Variants in CSMD3 observed in about 807,000 individuals in gnomAD.
CSMD3 encodes the protein CUB and sushi domain-containing protein 3.
In CSMD3, 177 loss-of-function variants were observed where a neutral mutation model predicts 435.2. That is an observed-to-expected ratio of 0.41 (90% CI 0.36 to 0.46). The LOEUF is 0.46. Ranked by LOEUF, CSMD3 falls within the 20% of genes least tolerant of loss-of-function variation. The pLI, the probability that CSMD3 is intolerant of heterozygous loss-of-function variation, is 0.34. For missense variants in CSMD3, 4,265 were observed against 4,504.6 expected (o/e 0.95, Z 1.52); for synonymous variants, 1,656 against 1,520.5 (o/e 1.09, Z -2.07).
intron 2 of CSMD3, among the ~76,000 whole-genome samples, chr8:113,282,311 G>A (rs149825902): frequency 1.6e-3 from 245 of 151,906 alleles, no homozygotes; most frequent in African/African-American, 5.7e-3. Context: ...TGATATGATC[G>A]TTTACCTTGA....
At chr8:113,426,780 A>C (rs2130014204) in intron 1 of CSMD3, among the ~76,000 whole-genome samples, 1 of 151,596 alleles carries the variant, frequency 6.6e-6, no homozygotes, top group African/African-American at 2.4e-5. Flanking sequence ...AAAATGGAAA[A>C]CCTGGCTGAT....
intron 61 of CSMD3, 42 bp from the exon 62 acceptor site, chr8:112,255,469 T>C (rs371110378): frequency 3.2e-5 from 49 of 1,553,596 alleles, no homozygotes; most frequent in African/African-American, 6.8e-5. Context: ...AGATTTAGTA[T>C]ACAGCAGAGT....
rs1826222218 is a variant in CSMD3 at position 112,352,494 on chromosome 8, G to A, written c.6177C>T (p.Ser2059=). 2 of 1,613,460 alleles carry A rather than the reference G, an allele frequency of 1.2e-6. No individual in the cohort carries two copies. The highest frequency in any genetic ancestry group is 1.7e-6 in the Non-Finnish European group (2 of 1,179,722). ...ATCTGTCTCCAATTTTAATTCCACT[G>A]CTAGGAGTTTGTGGTTCAGGACAGG... ...LDSCPEPQTP[S]SGIKIGDRYM... The change falls in exon 39 of 71, where the codon AGC becomes AGT. Residue 2059 remains serine (S), a synonymous_variant. Coordinates refer to ENST00000297405, the MANE Select transcript of CSMD3 (RefSeq NM_198123.2).
At chr8:113,040,312 T>C (rs2087552743) in intron 5 of CSMD3, among the ~76,000 whole-genome samples, 1 of 152,326 alleles carries the variant, frequency 6.6e-6, no homozygotes, top group South Asian at 2.1e-4. Flanking sequence ...TGCAGGGTTA[T>C]TGCACAGTCT....
intron 27 of CSMD3, among the ~76,000 whole-genome samples, chr8:112,536,041 A>C (rs1325482583): frequency 2.0e-5 from 3 of 152,194 alleles, no homozygotes; most frequent in Non-Finnish European, 2.9e-5. Context: ...TTAAAGACTT[A>C]AATGTTAGAC....
chr8:113,075,929 T>C (rs1331787708), intron 5 of CSMD3, among the ~76,000 whole-genome samples: 1 of 151,964 alleles, frequency 6.6e-6, no homozygotes, highest in South Asian at 2.1e-4. Flanking sequence ...TTATTCCACT[T>C]AGTCAAAGAT....
chr8:112,498,597 C>T (rs1821611191), intron 30 of CSMD3, among the ~76,000 whole-genome samples: 1 of 152,054 alleles, frequency 6.6e-6, no homozygotes, highest in Admixed American at 6.5e-5. Context: ...CATTGGATTG[C>T]TAGTGAGATA....
At chr8:112,700,398 G>T (rs1054097646) in intron 13 of CSMD3, among the ~76,000 whole-genome samples, 1 of 152,086 alleles carries the variant, frequency 6.6e-6, no homozygotes, top group Non-Finnish European at 1.5e-5. Flanking sequence ...CTACTCGGGA[G>T]GTTGAGGCTG....
At chr8:112,887,739 C>CA (rs5894115) in intron 10 of CSMD3, among the ~76,000 whole-genome samples, 80,101 of 145,680 alleles carry the variant, frequency 0.55, 22,136 homozygotes, top group East Asian at 0.83. Flanking sequence ...AGTCTTTATG[C>CA]AAAAAAAAAA....
At chr8:113,363,970 C>T (rs2094294753) in intron 1 of CSMD3, among the ~76,000 whole-genome samples, 1 of 152,012 alleles carries the variant, frequency 6.6e-6, no homozygotes, top group Non-Finnish European at 1.5e-5. Flanking sequence ...AGATTTTCTC[C>T]TATGTGTTCT....
chr8:113,325,509 G>A (rs2093978014), intron 1 of CSMD3, among the ~76,000 whole-genome samples: 1 of 152,156 alleles, frequency 6.6e-6, no homozygotes, highest in Non-Finnish European at 1.5e-5. Context: ...CCCCAGCCAT[G>A]TGAAACTGTA....
intron 35 of CSMD3, among the ~76,000 whole-genome samples, chr8:112,405,428 A>G (rs973997145): frequency 2.7e-5 from 4 of 150,776 alleles, no homozygotes; most frequent in African/African-American, 9.7e-5. Flanking sequence ...TTCGGGCAGA[A>G]AAGAGAGTAA....
At chr8:113,295,049 G>A (rs1041394860) in intron 2 of CSMD3, among the ~76,000 whole-genome samples, 1 of 151,904 alleles carries the variant, frequency 6.6e-6, no homozygotes, top group Non-Finnish European at 1.5e-5. Flanking sequence ...TTTTTAATGG[G>A]TACATAGCAG....
At chr8:112,691,885 A>T (rs1178431407) in intron 13 of CSMD3, among the ~76,000 whole-genome samples, 1 of 151,694 alleles carries the variant, frequency 6.6e-6, no homozygotes, top group Non-Finnish European at 1.5e-5. Flanking sequence ...ATTGTAACCT[A>T]TGCCTCCCAG....
chr8:113,301,473 A>G (rs2093766955), intron 2 of CSMD3, among the ~76,000 whole-genome samples: 1 of 151,948 alleles, frequency 6.6e-6, no homozygotes, highest in Non-Finnish European at 1.5e-5. Context: ...TTTGACTGTT[A>G]TAGTTAGAAA....
intron 6 of CSMD3, among the ~76,000 whole-genome samples, chr8:112,986,567 T>A (rs1319969389): frequency 6.6e-6 from 1 of 152,132 alleles, no homozygotes; most frequent in East Asian, 1.9e-4. Context: ...CATTTTAGTA[T>A]TAAAACCATC....
At chr8:112,307,537 C>T (rs1398402796) in intron 50 of CSMD3, among the ~76,000 whole-genome samples, 1 of 152,068 alleles carries the variant, frequency 6.6e-6, no homozygotes, top group African/African-American at 2.4e-5. Flanking sequence ...GTGGCCTCTA[C>T]CTTCCAAAGT....
intron 50 of CSMD3, chr8:112,310,770 A>G (rs936715060): frequency 1.1e-5 from 7 of 656,086 alleles, no homozygotes; most frequent in African/African-American, 1.8e-5. Flanking sequence ...TATAAGTTGC[A>G]TAACAATAAT....
intron 10 of CSMD3, among the ~76,000 whole-genome samples, chr8:112,864,779 A>G (rs1325409999): frequency 1.3e-5 from 2 of 152,202 alleles, no homozygotes; most frequent in Non-Finnish European, 2.9e-5. Context: ...ATTATCATAA[A>G]AATGCTAACA....
Sources: allele counts gnomAD v4.1 joint callset (sites outside exome capture counted in the v4.1 genomes callset), GRCh38; gene constraint gnomAD v4.1.1; transcripts MANE v1.5; gene names NCBI Gene and HGNC (gene_info 2026-07-23, HGNC 2026-07-21).